PSMD14: variants seen among roughly 807,000 people sequenced by gnomAD.
The protein encoded by PSMD14 is ubiquitin C-terminal hydrolase PSMD14.
A neutral mutation model predicts 41.2 loss-of-function variants in PSMD14; 7 were observed. That is an observed-to-expected ratio of 0.17 (90% CI 0.10 to 0.32). PSMD14 has a LOEUF of 0.32. Ranked by LOEUF, PSMD14 falls within the 10% of genes least tolerant of loss-of-function variation. The pLI is 1.00. For synonymous variants in PSMD14, 114 were observed against 122.3 expected (o/e 0.93, Z 0.45); for missense variants, 139 against 375.6 (o/e 0.37, Z 5.21).
chr2:161,357,047 A>G lies in PSMD14; in HGVS notation c.49-10431A>G, dbSNP rs534526731. ...TGAGTAGGTAACACTTTGAGGCATTAGTTTTTATGCTGTTATAATGGCAAA... is the reference window on the plus strand; with the variant it reads ...TGAGTAGGTAACACTTTGAGGCATTGGTTTTTATGCTGTTATAATGGCAAA... On this transcript the variant is annotated intron_variant, in intron 3 of 11. Transcript: ENST00000409682. 5.2e-5 allele frequency among the ~76,000 whole-genome samples: 7 copies of G among 133,358 alleles called. No individual in the cohort carries two copies. The South Asian group carries it at 1.7e-3, about 33-fold the overall frequency. 87.5% of individuals were successfully genotyped at this position (133,358 alleles called of 152,430 possible).
At chr2:161,329,199 GAA>G (rs1682751331) in intron 3 of PSMD14, among the ~76,000 whole-genome samples, 1 of 152,114 alleles carries the variant, frequency 6.6e-6, no homozygotes, top group Non-Finnish European at 1.5e-5. Context: ...CTCTGAAGAT[GAA>G]GCTACCACAA....
intron 3 of PSMD14, among the ~76,000 whole-genome samples, chr2:161,361,452 G>T (rs866714990): frequency 8.7e-5 from 4 of 45,926 alleles, no homozygotes; most frequent in Admixed American, 8.2e-4. Context: ...TGAAAAACAC[G>T]GATAGATTTT....
chr2:161,342,853 CTTGTT>C (rs1250258188), intron 3 of PSMD14, among the ~76,000 whole-genome samples: 1 of 151,778 alleles, frequency 6.6e-6, no homozygotes, highest in African/African-American at 2.4e-5. Flanking sequence ...CTAGCTATAA[CTTGTT>C]TTGTTAGTTT....
intron 3 of PSMD14, among the ~76,000 whole-genome samples, chr2:161,332,848 T>G (rs1349573847): frequency 1.3e-5 from 2 of 152,178 alleles, no homozygotes; most frequent in Non-Finnish European, 2.9e-5. Context: ...TTTCCAGTAA[T>G]TTTGGTTGGG....
chr2:161,394,989 T>C, intron 9 of PSMD14, 89 bp from the exon 10 acceptor site: 4 of 531,144 alleles, frequency 7.5e-6, no homozygotes, highest in Non-Finnish European at 1.1e-5. Context: ...AGTCGAAATG[T>C]TTTTTTTTTT....
intron 7 of PSMD14, among the ~76,000 whole-genome samples, chr2:161,373,559 A>G (rs760497377): frequency 7.2e-5 from 11 of 151,970 alleles, no homozygotes; most frequent in Middle Eastern, 3.4e-3. Flanking sequence ...AGGAATATAA[A>G]CTTATAAAAA....
In PSMD14 at chr2:161,369,088, T is replaced by C. The variant is rs138697606; in HGVS notation, c.241-1019T>C. ...CTATTTATTACTTGTATCTGTCTTT[T>C]TATATTAGGCTACATGAAACACATA... On this transcript the variant is annotated intron_variant, in intron 5 of 11. Transcript: ENST00000409682. 1.3e-5 allele frequency among the ~76,000 whole-genome samples: 2 copies of C among 152,066 alleles called. 1 individual carries two copies. Among genetic ancestry groups the C allele is most frequent in the East Asian group, 3.9e-4 (2 of 5,186 alleles).
chr2:161,343,425 A>G (rs1303682370), intron 3 of PSMD14, among the ~76,000 whole-genome samples: 1 of 152,212 alleles, frequency 6.6e-6, no homozygotes, highest in Non-Finnish European at 1.5e-5. Flanking sequence ...ATTCCATTGT[A>G]TGTATGCATA....
intron 3 of PSMD14, among the ~76,000 whole-genome samples, chr2:161,328,326 A>T (rs1682732802): frequency 6.6e-6 from 1 of 152,202 alleles, no homozygotes; most frequent in African/African-American, 2.4e-5. Flanking sequence ...TAGGTTCTAT[A>T]TACCAATATG....
rs147268172 is a variant in PSMD14, at chr2:161,319,390, A to C, written c.48+517A>C. Among the ~76,000 whole-genome samples the C allele has an allele frequency of 3.0e-3, 455 of 152,226 alleles. 2 individuals carry two copies. The highest frequency in any genetic ancestry group is 4.8e-3 in the Non-Finnish European group (323 of 67,970). On this transcript the variant is annotated intron_variant, in intron 3 of 11. Transcript: ENST00000409682. ...AATGGTTTCTTTTATAATCTTTTTA[A>C]AAAATAAATAAGCTTTCAGTTGTTT...
intron 3 of PSMD14, among the ~76,000 whole-genome samples, chr2:161,347,204 A>C (rs1370934431): frequency 6.6e-6 from 1 of 152,118 alleles, no homozygotes; most frequent in Non-Finnish European, 1.5e-5. Flanking sequence ...CTTACAAACT[A>C]TTGTTTCATA....
At chr2:161,348,500 G>T (rs1407297150) in intron 3 of PSMD14, among the ~76,000 whole-genome samples, 1 of 152,208 alleles carries the variant, frequency 6.6e-6, no homozygotes, top group African/African-American at 2.4e-5. Flanking sequence ...ATCAGTAGGA[G>T]AATGTGTACA....
At chr2:161,316,223 A>G (rs1371174947) in intron 1 of PSMD14, among the ~76,000 whole-genome samples, 1 of 152,204 alleles carries the variant, frequency 6.6e-6, no homozygotes, top group African/African-American at 2.4e-5. Flanking sequence ...CATGAGAGAA[A>G]CATACAGATA....
At chr2:161,348,222 A>G (rs1309931022) in intron 3 of PSMD14, among the ~76,000 whole-genome samples, 1 of 152,208 alleles carries the variant, frequency 6.6e-6, no homozygotes, top group Non-Finnish European at 1.5e-5. Context: ...GACATTCATA[A>G]CAGCATTGCT....
chr2:161,323,527 G>A (rs938441873), intron 3 of PSMD14, among the ~76,000 whole-genome samples: 6 of 152,178 alleles, frequency 3.9e-5, no homozygotes, highest in Admixed American at 1.3e-4. Flanking sequence ...CCTGGGTGTC[G>A]TGGTGCACAT....
chr2:161,319,137 G>C, intron 3 of PSMD14: 1 of 301,248 alleles, frequency 3.3e-6, no homozygotes, highest in Non-Finnish European at 6.1e-6. Context: ...GATTATCAAA[G>C]TTGGCTTTTA....
chr2:161,335,060 C>T (rs540756217), intron 3 of PSMD14, among the ~76,000 whole-genome samples: 1 of 152,160 alleles, frequency 6.6e-6, no homozygotes, highest in Non-Finnish European at 1.5e-5. Context: ...AACTTCTGAG[C>T]CTTTTATGCT....
At chr2:161,402,416 G>GATTATCACTTGAACCCAGGAGTTC (rs1320819772) in intron 10 of PSMD14, among the ~76,000 whole-genome samples, 1 of 152,042 alleles carries the variant, frequency 6.6e-6, no homozygotes, top group Non-Finnish European at 1.5e-5. Context: ...AGCAGGAGAG[G>GATTATCACTTGAACCCAGGAGTTC]ATCATCACTT....
intron 3 of PSMD14, among the ~76,000 whole-genome samples, chr2:161,344,332 G>A (rs953941690): frequency 6.6e-6 from 1 of 152,174 alleles, no homozygotes; most frequent in African/African-American, 2.4e-5. Context: ...CAGTGTGATT[G>A]GGTTCTGGTT....
Sources: allele counts gnomAD v4.1 joint callset (sites outside exome capture counted in the v4.1 genomes callset), GRCh38; gene constraint gnomAD v4.1.1; transcripts MANE v1.5; gene names NCBI Gene and HGNC (gene_info 2026-07-23, HGNC 2026-07-21).